CDH12: variants seen among roughly 807,000 people sequenced by gnomAD.
The protein encoded by CDH12 is cadherin-12.
Under a neutral mutation model 74.1 loss-of-function variants are expected in CDH12, and 41 were observed. The ratio of observed to expected loss-of-function variants is 0.55; its 90% CI spans 0.43 to 0.72. The LOEUF is 0.72. CDH12 is among the 30% of genes least tolerant of loss of function. CDH12 has a pLI of 0.00. For synonymous variants in CDH12, 399 were observed against 355.0 expected (o/e 1.12, Z -1.39); for missense variants, 945 against 977.2 (o/e 0.97, Z 0.44).
chr5:21,848,170 A>G (rs1428069022), intron 7 of CDH12, among the ~76,000 whole-genome samples: 1 of 152,056 alleles, frequency 6.6e-6, no homozygotes, highest in Non-Finnish European at 1.5e-5. Context: ...GGTTATTAGT[A>G]TTTACCTAGG....
chr5:21,755,335 A>G (rs1224649379), intron 14 of CDH12, among the ~76,000 whole-genome samples: 1 of 152,170 alleles, frequency 6.6e-6, no homozygotes, highest in Non-Finnish European at 1.5e-5. Context: ...TTAGGTCTTG[A>G]ACATATTTTT....
chr5:22,457,009 T>C (rs945139409), intron 2 of CDH12, among the ~76,000 whole-genome samples: 3 of 152,112 alleles, frequency 2.0e-5, no homozygotes, highest in African/African-American at 7.2e-5. Context: ...TCAAGGTTAA[T>C]TTATCTCCTG....
intron 1 of CDH12, among the ~76,000 whole-genome samples, chr5:22,816,809 G>C (rs1749418121): frequency 6.6e-6 from 1 of 152,092 alleles, no homozygotes; most frequent in South Asian, 2.1e-4. Context: ...TCTATCCACT[G>C]ATATTTGGGT....
intron 8 of CDH12, among the ~76,000 whole-genome samples, chr5:21,833,739 TACC>T (rs1466194762): frequency 6.7e-6 from 1 of 149,638 alleles, no homozygotes; most frequent in Non-Finnish European, 1.5e-5. Flanking sequence ...TATCAGAATC[TACC>T]ACAAAACTTA....
intron 5 of CDH12, among the ~76,000 whole-genome samples, chr5:22,033,665 A>T (rs550492623): frequency 7.9e-4 from 121 of 152,284 alleles, no homozygotes; most frequent in African/African-American, 2.7e-3. Flanking sequence ...GTTTTTCTTT[A>T]GTCAAAAGTA....
intron 1 of CDH12, among the ~76,000 whole-genome samples, chr5:22,581,118 A>G (rs1671494762): frequency 6.6e-6 from 1 of 152,238 alleles, no homozygotes; most frequent in South Asian, 2.1e-4. Flanking sequence ...TGTCACAAGG[A>G]GTCAAATATG....
chr5:21,776,563 CG>C (rs1229444000), intron 11 of CDH12, among the ~76,000 whole-genome samples: 4 of 152,230 alleles, frequency 2.6e-5, no homozygotes, highest in Admixed American at 2.0e-4. Context: ...GATCCACTTC[CG>C]ATTACCAGTA....
At chr5:22,636,061 T>C (rs575145625) in intron 1 of CDH12, among the ~76,000 whole-genome samples, 71 of 151,588 alleles carry the variant, frequency 4.7e-4, no homozygotes, top group African/African-American at 1.7e-3. Flanking sequence ...CCAAAGAAAA[T>C]ATATAAATTA....
chr5:22,522,504 C>T (rs1306783147), intron 1 of CDH12, among the ~76,000 whole-genome samples: 2 of 152,108 alleles, frequency 1.3e-5, no homozygotes, highest in Non-Finnish European at 2.9e-5. Context: ...TAGTCGGATT[C>T]TCTGTATTTC....
intron 6 of CDH12, among the ~76,000 whole-genome samples, chr5:21,957,365 G>A (rs956834621): frequency 3.3e-5 from 5 of 152,100 alleles, no homozygotes; most frequent in Non-Finnish European, 1.5e-5. Flanking sequence ...GCATATTGCT[G>A]CAATGAACAT....
chr5:22,438,846 T>C (rs1485473112), intron 2 of CDH12, among the ~76,000 whole-genome samples: 1 of 151,700 alleles, frequency 6.6e-6, no homozygotes, highest in Non-Finnish European at 1.5e-5. Flanking sequence ...TATTAATCTA[T>C]AAAAAATTGA....
chr5:22,377,942 T>A (rs1172889238), intron 3 of CDH12, among the ~76,000 whole-genome samples: 1 of 152,198 alleles, frequency 6.6e-6, no homozygotes, highest in Non-Finnish European at 1.5e-5. Flanking sequence ...TTTGTGAAAG[T>A]TAATTTATAA....
intron 4 of CDH12, among the ~76,000 whole-genome samples, chr5:22,122,269 G>A (rs541243088): frequency 6.6e-5 from 10 of 152,114 alleles, no homozygotes; most frequent in East Asian, 1.9e-4. Flanking sequence ...TGGGCATGGC[G>A]GCACATTCCT....
rs536383211 is a variant in CDH12 at position 22,204,286 on chromosome 5, G to A, written c.-187+8212C>T. ...CGCCATTCTCCTGCCTCAGCCTCCC[G>A]AGTAGCTGGGACTACAGGCACCCGT... On this transcript the variant is annotated intron_variant, in intron 4 of 14. Transcript: ENST00000382254. Among the ~76,000 whole-genome samples, 486 of 151,244 alleles carry A rather than the reference G, an allele frequency of 3.2e-3. 7 individuals are homozygous for A. The highest frequency in any genetic ancestry group is 0.012 in the African/African-American group (479 of 41,296).
chr5:21,787,205 C>T (rs1043389276), intron 10 of CDH12, among the ~76,000 whole-genome samples: 2 of 152,150 alleles, frequency 1.3e-5, no homozygotes, highest in Non-Finnish European at 2.9e-5. Flanking sequence ...AAAACAGCAT[C>T]ACATGCTGCA....
intron 1 of CDH12, among the ~76,000 whole-genome samples, chr5:22,757,277 T>C (rs1317867259): frequency 6.6e-6 from 1 of 152,224 alleles, no homozygotes; most frequent in African/African-American, 2.4e-5. Flanking sequence ...GGTGTTTAAA[T>C]GTTTGCGTTG....
chr5:22,165,515 C>CACAT lies in CDH12; in HGVS notation c.-187+46982_-187+46983insATGT, dbSNP rs758877367. On this transcript the variant is annotated intron_variant, in intron 4 of 14. Coordinates refer to ENST00000382254, the MANE Select transcript of CDH12 (RefSeq NM_004061.5). ...ACACATACACATACACACACACATA[C>CACAT]ACACACACACACACACAGACATTCC... Among the ~76,000 whole-genome samples, 61 of 32,482 alleles carry CACAT rather than the reference C, an allele frequency of 1.9e-3. No homozygotes were observed. The East Asian group carries it at 0.026, about 14-fold the overall frequency. The allele number at this position is 32,482 out of a possible 152,430, so 21.3% of individuals were successfully genotyped here.
intron 1 of CDH12, among the ~76,000 whole-genome samples, chr5:22,690,187 G>T (rs1028983497): frequency 6.6e-6 from 1 of 152,102 alleles, no homozygotes; most frequent in African/African-American, 2.4e-5. Flanking sequence ...GCACAAAACT[G>T]TGTTGTATAC....
Position 21,833,357 on chromosome 5 carries a change from T to A in CDH12, c.814+8804A>T, listed in dbSNP as rs574534026. On this transcript the variant is annotated intron_variant, in intron 8 of 14. Transcript: ENST00000382254. ...TATATTATATAACATATAATATATA[T>A]TATATATTATATAGTATAATTATAT... Among the ~76,000 whole-genome samples the A allele has an allele frequency of 6.0e-3, 259 of 43,432 alleles. 33 individuals are homozygous for A. Among genetic ancestry groups the A allele is most frequent in the African/African-American group, 8.7e-3 (20 of 2,300 alleles). 28.5% of individuals were successfully genotyped at this position (43,432 alleles called of 152,430 possible).
Sources: allele counts gnomAD v4.1 joint callset (sites outside exome capture counted in the v4.1 genomes callset), GRCh38; gene constraint gnomAD v4.1.1; transcripts MANE v1.5; gene names NCBI Gene and HGNC (gene_info 2026-07-23, HGNC 2026-07-21).